Variants in TEX13C observed in about 807,000 individuals in gnomAD.
TEX13C encodes the protein testis-expressed protein 13C.
For synonymous variants in TEX13C, 219 were observed against 116.6 expected, an observed-to-expected ratio of 1.88 and a Z score of -5.65; for missense variants, 480 against 298.7, an observed-to-expected ratio of 1.61 and a Z score of -4.47.
chrX:125,320,709 A>C (rs914538315), exon 1 of TEX13C: 2 of 515,353 alleles, frequency 3.9e-6, no homozygotes, highest in Non-Finnish European at 7.0e-6. Context: ...CCACATTCGG[A>C]AGCCCAGGTA....
At position 125,323,189 on chromosome X, in the gene TEX13C, T is replaced by G; in HGVS notation, c.*88T>G. 1.2e-5 allele frequency: 5 copies of G among 424,641 alleles called. No individual in the cohort carries two copies. In the South Asian group the frequency reaches 2.0e-4, roughly 17 times the overall value. 35.0% of individuals were successfully genotyped at this position (424,641 alleles called of 1,213,427 possible). On this transcript the variant is annotated 3_prime_UTR_variant, in exon 1 of 1. Transcript: ENST00000632600. Reference sequence around the variant, plus strand: ...GACCCCCTTCTGATAAAAAAGTAACTTATTTACTTAACAGAAAATTTGAAA... The same window carrying G: ...GACCCCCTTCTGATAAAAAAGTAACGTATTTACTTAACAGAAAATTTGAAA...
At chrX:125,321,275 C>T in exon 1 of TEX13C, 7 of 510,810 alleles carry the variant, frequency 1.4e-5, no homozygotes, top group Non-Finnish European at 2.1e-5. Flanking sequence ...TCCAGTTGTG[C>T]CCAAGGAGAT....
exon 1 of TEX13C, chrX:125,320,882 G>A (rs1470286521): frequency 1.2e-5 from 6 of 513,618 alleles, no homozygotes; most frequent in Non-Finnish European, 2.1e-5. Flanking sequence ...AGTAGTAATG[G>A]AATCAGCAGC....
exon 1 of TEX13C, chrX:125,324,948 A>G (rs779494493): frequency 1.7e-4 from 19 of 112,080 alleles, no homozygotes; most frequent in African/African-American, 6.2e-4. Flanking sequence ...GGTTAAAAAT[A>G]GAGCTAGACT....
chrX:125,322,585 G>A (rs866039077), exon 1 of TEX13C: 19 of 510,181 alleles, frequency 3.7e-5, no homozygotes, highest in African/African-American at 2.4e-4. Flanking sequence ...AGTTAGTGAT[G>A]CCCGAGGAGA....
exon 1 of TEX13C, chrX:125,320,142 A>G (rs1295550060): frequency 1.4e-5 from 7 of 487,072 alleles, no homozygotes; most frequent in Non-Finnish European, 2.2e-5. Context: ...TTTGGGGACC[A>G]TGCCAGCGGG....
At chrX:125,320,231 T>C in exon 1 of TEX13C, 1 of 515,892 alleles carries the variant, frequency 1.9e-6, no homozygotes, top group Non-Finnish European at 3.5e-6. Context: ...TTACACGGCC[T>C]TCCGCTCGCG....
exon 1 of TEX13C, chrX:125,321,284 A>G: frequency 3.9e-6 from 2 of 511,356 alleles, no homozygotes; most frequent in Non-Finnish European, 7.0e-6. Flanking sequence ...GCCCAAGGAG[A>G]TTGTCCCCAT....
At chrX:125,323,987 T>C (rs1197868502) in exon 1 of TEX13C, 1 of 112,218 alleles carries the variant, frequency 8.9e-6, no homozygotes, top group Non-Finnish European at 1.9e-5. Context: ...TAGAAAAGTT[T>C]GGGGAGTTGT....
chrX:125,319,892 G>A (rs1479103441), upstream of TEX13C, among the ~76,000 whole-genome samples: 6 of 112,314 alleles, frequency 5.3e-5, no homozygotes, highest in Non-Finnish European at 9.4e-5. Context: ...TCGCGGAGTT[G>A]CCGATAGGGT....
At chrX:125,322,094 A>G (rs2148414164) in exon 1 of TEX13C, 2 of 461,082 alleles carry the variant, frequency 4.3e-6, no homozygotes, top group Non-Finnish European at 7.6e-6. Flanking sequence ...GATGCCCCAG[A>G]ACATGGTCCC....
At chrX:125,322,916 A>G (rs769118445) in exon 1 of TEX13C, 20 of 513,868 alleles carry the variant, frequency 3.9e-5, no homozygotes, top group Admixed American at 3.7e-4. Context: ...TCAGGGGCAG[A>G]AGGTCAAGGA....
chrX:125,320,266 GC>G lies in TEX13C; in HGVS notation c.148del (p.Leu50PhefsTer25). On this transcript the variant is annotated frameshift_variant, in exon 1 of 1. Transcript: ENST00000632600. LOFTEE classifies it low-confidence loss of function (END_TRUNC). ...GGCCGTGGAACGAGGTAGAGGACCGGCTTCGGGCCATTGTGGCCGACCCGCG... is the reference window on the plus strand; with the variant it reads ...GGCCGTGGAACGAGGTAGAGGACCGGTTCGGGCCATTGTGGCCGACCCGCG... The G allele has an allele frequency of 1.9e-6, 1 of 516,028 alleles. No individual in the cohort carries two copies. Among genetic ancestry groups the G allele is most frequent in the Non-Finnish European group, 3.5e-6 (1 of 287,094 alleles). 42.5% of individuals were successfully genotyped at this position (516,028 alleles called of 1,213,427 possible).
exon 1 of TEX13C, chrX:125,320,417 T>C (rs750111523): frequency 4.2e-4 from 218 of 513,922 alleles, no homozygotes; most frequent in Middle Eastern, 2.6e-3. Flanking sequence ...TGTGGAGGAG[T>C]GCCAGGCGAC....
exon 1 of TEX13C, chrX:125,320,836 A>G (rs2018829329): frequency 3.9e-6 from 2 of 515,035 alleles, no homozygotes; most frequent in East Asian, 7.2e-5. Flanking sequence ...TGCCTTCACC[A>G]ATGGGACTGC....
exon 1 of TEX13C, chrX:125,320,220 T>A (rs1165992022): frequency 3.9e-6 from 2 of 515,713 alleles, no homozygotes; most frequent in Non-Finnish European, 3.5e-6. Flanking sequence ...AGCCCAGCCT[T>A]TTACACGGCC....
chrX:125,321,598 G>T (rs777686363), exon 1 of TEX13C: 2 of 512,530 alleles, frequency 3.9e-6, no homozygotes, highest in East Asian at 3.6e-5. Context: ...TGCCCAAGGA[G>T]ATGGTCCCCC....
exon 1 of TEX13C, chrX:125,323,737 A>G (rs1407428654): frequency 9.0e-6 from 1 of 111,575 alleles, no homozygotes; most frequent in Non-Finnish European, 1.9e-5. Flanking sequence ...TCTTAGCTCC[A>G]CCAAACTTGC....
exon 1 of TEX13C, chrX:125,321,168 C>G (rs1027067065): frequency 3.9e-6 from 2 of 511,744 alleles, no homozygotes; most frequent in Non-Finnish European, 7.0e-6. Context: ...ACAGCTCCCC[C>G]AGAGTTTAGC....
Sources: gnomAD v4.1 joint callset for allele counts (sites outside exome capture counted in the v4.1 genomes callset) on GRCh38, gnomAD v4.1.1 for gene constraint, MANE v1.5 for transcripts, NCBI Gene and HGNC (gene_info 2026-07-23, HGNC 2026-07-21) for gene names.